Variants in SLC6A9 observed in about 807,000 individuals in gnomAD.
The protein encoded by SLC6A9 is solute carrier family 6 member 9, also known as sodium- and chloride-dependent glycine transporter 1.
A neutral mutation model predicts 70.9 loss-of-function variants in SLC6A9; 31 were observed. That is an observed-to-expected ratio of 0.44 (90% CI 0.33 to 0.59). The LOEUF (loss-of-function observed/expected upper bound fraction) is 0.59. SLC6A9 is among the 20% of genes least tolerant of loss of function. The pLI is 0.04. For missense variants in SLC6A9, 631 were observed against 845.2 expected (o/e 0.75, Z 3.14); for synonymous variants, 310 against 341.3 (o/e 0.91, Z 1.01).
intron 9 of SLC6A9, 42 bp from the exon 10 acceptor site, chr1:44,001,340 C>G: frequency 6.2e-7 from 1 of 1,613,638 alleles, no homozygotes; most frequent in Non-Finnish European, 8.5e-7. Flanking sequence ...GCCCCTTGTT[C>G]CTGTCCCCTC....
chr1:44,026,785 A>C (rs967576116), intron 1 of SLC6A9, among the ~76,000 whole-genome samples: 1 of 152,206 alleles, frequency 6.6e-6, no homozygotes, highest in Non-Finnish European at 1.5e-5. Flanking sequence ...CACCCAGGTT[A>C]TCCTGGAATT....
chr1:44,002,486 C>T lies in SLC6A9; in HGVS notation c.858+26G>A, dbSNP rs931039166. 6.2e-7 allele frequency: 1 copy of T among 1,613,980 alleles called. No homozygotes were observed. The highest frequency in any genetic ancestry group is 8.5e-7 in the Non-Finnish European group (1 of 1,179,980). On this transcript the variant is annotated intron_variant, in intron 7 of 13. Coordinates refer to ENST00000372310, the MANE Select transcript of SLC6A9 (RefSeq NM_001024845.3). This position sits in a 1 kb window ranked among gnomAD's most constrained non-coding sequence, Gnocchi z 5.5. ...GCACCTCCCTGGCCCCTCCCCAGCC[C>T]CCTTCCGGTTTCCCTCACTTCCCAC... is the stretch of plus-strand genomic sequence containing the variant.
rs200633191 is a variant in SLC6A9 at position 44,017,099 on chromosome 1, C to T, written c.31-6217G>A. On this transcript the variant is annotated intron_variant, in intron 2 of 13. Transcript: ENST00000372310. ...TCCATGAGCCGCGGCCATCCTGGGG[C>T]GAGCGATCGCAGCCCGCGTGTCTCC... 1.4e-4 allele frequency: 227 copies of T among 1,605,414 alleles called. No individual in the cohort carries two copies. Among genetic ancestry groups the T allele is most frequent in the East Asian group, 3.4e-4 (15 of 43,858 alleles).
At chr1:44,000,593 G>A (rs1195124307) in intron 12 of SLC6A9, among the ~76,000 whole-genome samples, 174 bp downstream of exon 12, 2 of 152,222 alleles carry the variant, frequency 1.3e-5, no homozygotes, top group Non-Finnish European at 2.9e-5. Context: ...GCTCTGAGTC[G>A]CCACACGCCT....
chr1:44,009,168 AG>A (rs1268658589), intron 4 of SLC6A9, among the ~76,000 whole-genome samples: 1 of 150,474 alleles, frequency 6.6e-6, no homozygotes, highest in Non-Finnish European at 1.5e-5. Flanking sequence ...CTGGGATTAG[AG>A]GCATGCGCCA....
chr1:44,005,939 C>T (rs1016052600), intron 5 of SLC6A9, among the ~76,000 whole-genome samples: 2 of 152,198 alleles, frequency 1.3e-5, no homozygotes, highest in African/African-American at 2.4e-5. Context: ...AGCGGCTCCA[C>T]CAGCCAGATT....
intron 1 of SLC6A9, among the ~76,000 whole-genome samples, chr1:44,027,140 C>G (rs2154307739): frequency 6.6e-6 from 1 of 152,246 alleles, no homozygotes; most frequent in Admixed American, 6.5e-5. Context: ...AACACCAGGC[C>G]CCACACATGC....
chr1:44,026,727 A>G (rs1227133782), intron 1 of SLC6A9, among the ~76,000 whole-genome samples: 3 of 152,092 alleles, frequency 2.0e-5, no homozygotes, highest in Non-Finnish European at 4.4e-5. Context: ...TGGTCAGGTA[A>G]GTAAACTGAG....
chr1:44,015,841 T>G (rs1571899971), intron 2 of SLC6A9: 1 of 985,084 alleles, frequency 1.0e-6, no homozygotes, highest in Non-Finnish European at 1.2e-6. Flanking sequence ...GGGGCCGGGG[T>G]GGAGGGGCAG....
rs543745260 is a variant in SLC6A9, at chr1:44,009,009, C to T, written c.320-386G>A. 1.3e-3 allele frequency among the ~76,000 whole-genome samples: 191 copies of T among 145,424 alleles called. 1 individual carries two copies. Among genetic ancestry groups the T allele is most frequent in the African/African-American group, 4.6e-3 (180 of 39,366 alleles). Reference sequence around the variant, plus strand: ...TGCTGGGATTACAGGCGTGAGCCACCGCGCCCGGCCTTTTTTTTTTTTTTT... The same window carrying T: ...TGCTGGGATTACAGGCGTGAGCCACTGCGCCCGGCCTTTTTTTTTTTTTTT... On this transcript the variant is annotated intron_variant, in intron 4 of 13. Coordinates refer to ENST00000372310, the MANE Select transcript of SLC6A9 (RefSeq NM_001024845.3).
chr1:44,026,525 G>A (rs1245574124), intron 1 of SLC6A9, among the ~76,000 whole-genome samples: 1 of 152,068 alleles, frequency 6.6e-6, no homozygotes, highest in Non-Finnish European at 1.5e-5. Flanking sequence ...CAGGTATGGT[G>A]GTATGCGCCT....
chr1:44,006,639 G>A (rs2086328542), intron 5 of SLC6A9, among the ~76,000 whole-genome samples: 1 of 146,862 alleles, frequency 6.8e-6, no homozygotes, highest in Non-Finnish European at 1.5e-5. Flanking sequence ...AGTTCCAGGT[G>A]TATTTTTTAA....
At chr1:44,005,807 G>C (rs1405086601) in intron 5 of SLC6A9, among the ~76,000 whole-genome samples, 2 of 152,182 alleles carry the variant, frequency 1.3e-5, no homozygotes, top group Non-Finnish European at 2.9e-5. Context: ...CTCTCTTCAG[G>C]GCCATTTCCC....
intron 1 of SLC6A9, among the ~76,000 whole-genome samples, chr1:44,026,182 C>T (rs1223573033): frequency 1.1e-4 from 17 of 152,232 alleles, no homozygotes; most frequent in Admixed American, 1.1e-3. Context: ...CTTTGGTCTT[C>T]TGGGGGCAAG....
At chr1:44,015,035 C>T (rs2086693546) in intron 2 of SLC6A9, among the ~76,000 whole-genome samples, 1 of 152,188 alleles carries the variant, frequency 6.6e-6, no homozygotes, top group African/African-American at 2.4e-5. Context: ...TGACTTTCCC[C>T]TGTACATTCC....
At chr1:44,028,682 G>A (rs113455669) in intron 1 of SLC6A9, among the ~76,000 whole-genome samples, 3,713 of 152,300 alleles carry the variant, frequency 0.024, 131 homozygotes, top group African/African-American at 0.081. Flanking sequence ...TTGAACTTGG[G>A]AGACAGAGGT....
At chr1:44,000,732 A>C in intron 12 of SLC6A9, 35 bp downstream of exon 12, 1 of 1,344,158 alleles carries the variant, frequency 7.4e-7, no homozygotes, top group South Asian at 1.3e-5. Flanking sequence ...GCCAAGGGGC[A>C]GCGGGGGAAG....
chr1:44,002,707 C>T lies in SLC6A9; in HGVS notation c.724-61G>A, dbSNP rs574892252. On this transcript the variant is annotated intron_variant, in intron 6 of 13. Transcript: ENST00000372310. The surrounding 1 kb of genome is among the most constrained non-coding windows in gnomAD (Gnocchi z 5.5). ...CTCCCCTCCCCTGGGCACCACCACC[C>T]TGGCTCCCTAATCACCACCAGCCCC... The T allele has an allele frequency of 2.6e-5, 41 of 1,606,736 alleles. No homozygotes were observed. The highest frequency in any genetic ancestry group is 3.4e-5 in the Non-Finnish European group (40 of 1,174,018).
chr1:44,008,216 C>T, intron 5 of SLC6A9, 137 bp downstream of exon 5: 1 of 826,976 alleles, frequency 1.2e-6, no homozygotes, highest in Non-Finnish European at 2.0e-6. Flanking sequence ...CTAAACTCTT[C>T]ACTCACCTCT....
Sources: gnomAD v4.1 joint callset for allele counts (sites outside exome capture counted in the v4.1 genomes callset) on GRCh38, gnomAD v4.1.1 for gene constraint, Gnocchi (gnomAD v3.1) non-coding constraint, MANE v1.5 for transcripts, NCBI Gene and HGNC (gene_info 2026-07-23, HGNC 2026-07-21) for gene names.